SLC17A6: variants seen among roughly 807,000 people sequenced by gnomAD.
The protein encoded by SLC17A6 is solute carrier family 17 member 6, also known as vesicular glutamate transporter 2.
Under a neutral mutation model 67.1 loss-of-function variants are expected in SLC17A6, and 35 were observed. The ratio of observed to expected loss-of-function variants is 0.52; its 90% CI spans 0.40 to 0.69. The LOEUF (loss-of-function observed/expected upper bound fraction) is 0.69. SLC17A6 is among the 30% of genes least tolerant of loss of function. The pLI is 0.00. For missense variants in SLC17A6, 588 were observed against 723.9 expected (o/e 0.81, Z 2.15); for synonymous variants, 285 against 252.3 (o/e 1.13, Z -1.23).
chr11:22,374,610 G>A (rs754507033), intron 8 of SLC17A6, 145 bp from the exon 9 acceptor site: 4 of 635,618 alleles, frequency 6.3e-6, no homozygotes, highest in African/African-American at 1.9e-5. Context: ...ACTTTTTCTA[G>A]GAATGAGTAA....
At chr11:22,368,379 T>C (rs1450089417) in intron 7 of SLC17A6, among the ~76,000 whole-genome samples, 1 of 152,080 alleles carries the variant, frequency 6.6e-6, no homozygotes, top group Non-Finnish European at 1.5e-5. Flanking sequence ...TATTTAAATA[T>C]AGCATATGTA....
At chr11:22,363,920 C>A (rs1303222648) in intron 6 of SLC17A6, among the ~76,000 whole-genome samples, 1 of 151,924 alleles carries the variant, frequency 6.6e-6, no homozygotes, top group Non-Finnish European at 1.5e-5. Flanking sequence ...TATGGCTATC[C>A]AATTAAATAC....
intron 3 of SLC17A6, among the ~76,000 whole-genome samples, chr11:22,356,625 A>G (rs1310013172): frequency 1.3e-5 from 2 of 152,198 alleles, no homozygotes; most frequent in East Asian, 1.9e-4. Flanking sequence ...ACTTGAGGTC[A>G]GGAGTTCAAG....
intron 6 of SLC17A6, among the ~76,000 whole-genome samples, chr11:22,364,897 G>A (rs1244817904): frequency 6.6e-6 from 1 of 152,100 alleles, no homozygotes; most frequent in Non-Finnish European, 1.5e-5. Context: ...TATAACTTTT[G>A]TCTGCCCAAA....
At chr11:22,375,661 G>A (rs1364137473) in intron 9 of SLC17A6, among the ~76,000 whole-genome samples, 2 of 151,832 alleles carry the variant, frequency 1.3e-5, no homozygotes, top group Non-Finnish European at 2.9e-5. Flanking sequence ...TGTATTTTTA[G>A]TAGAGTCTGG....
intron 3 of SLC17A6, among the ~76,000 whole-genome samples, chr11:22,347,232 G>A (rs1855887374): frequency 7.0e-6 from 1 of 142,792 alleles, no homozygotes; most frequent in African/African-American, 2.6e-5. Flanking sequence ...TCACAACAAG[G>A]TGTTTGGGGA....
At chr11:22,354,117 C>A (rs189209592) in intron 3 of SLC17A6, among the ~76,000 whole-genome samples, 2 of 151,070 alleles carry the variant, frequency 1.3e-5, no homozygotes, top group African/African-American at 4.9e-5. Flanking sequence ...GAGTTTTGCT[C>A]TTGTTGCCCA....
chr11:22,376,307 G>A (rs553939504), intron 10 of SLC17A6, among the ~76,000 whole-genome samples: 1 of 151,382 alleles, frequency 6.6e-6, no homozygotes, highest in Non-Finnish European at 1.5e-5. Flanking sequence ...GCCTTTTTTT[G>A]TTGTTGTTAA....
intron 1 of SLC17A6, among the ~76,000 whole-genome samples, chr11:22,339,065 A>ATATATATATGT (rs1855772091): frequency 1.9e-4 from 22 of 118,662 alleles, no homozygotes; most frequent in Middle Eastern, 4.8e-3. Context: ...AATGGTTTAT[A>ATATATATATGT]TATATATATA....
In SLC17A6 at chr11:22,360,904, C is replaced by T; in HGVS notation, c.581C>T (p.Thr194Ile). The T allele has an allele frequency of 6.2e-7, 1 of 1,613,816 alleles. No individual in the cohort carries two copies. The highest frequency in any genetic ancestry group is 8.5e-7 in the Non-Finnish European group (1 of 1,179,778). The change falls in exon 5 of 12, where the codon ACC (threonine) becomes ATC (isoleucine). Residue 194 changes from threonine (T) to isoleucine (I), a missense_variant. By Grantham distance (89) the Thr-to-Ile change is moderately conservative (BLOSUM62 -1). Coordinates refer to ENST00000263160, the MANE Select transcript of SLC17A6 (RefSeq NM_020346.3). Reference sequence around the variant, plus strand: ...TATCTTCCCCCATCACAGGGTGTGACCTACCCAGCATGTCATGGGATATGG... The same window carrying T: ...TATCTTCCCCCATCACAGGGTGTGATCTACCCAGCATGTCATGGGATATGG... ...RILQGLVEGV[T>I]YPACHGIWSK... is the part of the protein sequence containing the mutation.
intron 3 of SLC17A6, among the ~76,000 whole-genome samples, chr11:22,344,698 T>C (rs917998755): frequency 6.6e-6 from 1 of 152,198 alleles, no homozygotes; most frequent in African/African-American, 2.4e-5. Flanking sequence ...ATTTTATTTA[T>C]CCATTCATCT....
intron 3 of SLC17A6, among the ~76,000 whole-genome samples, chr11:22,352,769 A>C (rs900510182): frequency 6.6e-6 from 1 of 152,168 alleles, no homozygotes; most frequent in Non-Finnish European, 1.5e-5. Flanking sequence ...GGGTGGGGGC[A>C]TGAGTGAGTA....
chr11:22,350,266 A>G (rs959191711), intron 3 of SLC17A6, among the ~76,000 whole-genome samples: 3 of 152,102 alleles, frequency 2.0e-5, no homozygotes, highest in African/African-American at 4.8e-5. Flanking sequence ...GGCAATCTCT[A>G]TAGTGGTATA....
In SLC17A6 at chr11:22,379,357, A is replaced by C. The variant is rs1307676336; in HGVS notation, c.*1617A>C. The C allele has an allele frequency of 1.3e-5, 2 of 152,494 alleles. No individual in the cohort carries two copies. The highest frequency in any genetic ancestry group is 2.9e-5 in the Non-Finnish European group (2 of 67,950). 9.4% of individuals were successfully genotyped at this position (152,494 alleles called of 1,614,324 possible). On this transcript the variant is annotated 3_prime_UTR_variant, in exon 12 of 12. Transcript: ENST00000263160. ...AAAATGCAAATCATTCTTTACCTTA[A>C]GAAAAAAAAAATACCCTTTGCTTTG...
At chr11:22,372,826 T>C (rs557441290) in intron 8 of SLC17A6, among the ~76,000 whole-genome samples, 59 of 152,286 alleles carry the variant, frequency 3.9e-4, no homozygotes, top group African/African-American at 1.4e-3. Context: ...TAGGAAGGTT[T>C]TGATCATTTT....
intron 3 of SLC17A6, among the ~76,000 whole-genome samples, chr11:22,357,291 C>T (rs1019396692): frequency 2.0e-5 from 3 of 152,084 alleles, no homozygotes; most frequent in Non-Finnish European, 2.9e-5. Flanking sequence ...GCATGTGAAG[C>T]GTTAATATGG....
At chr11:22,362,637 G>A (rs1856066018) in intron 5 of SLC17A6, 102 bp from the exon 6 acceptor site, 4 of 916,920 alleles carry the variant, frequency 4.4e-6, no homozygotes, top group Non-Finnish European at 7.1e-6. Flanking sequence ...CCATGTACCT[G>A]AGTGTTCCAG....
At position 22,341,780 on chromosome 11, in the gene SLC17A6, G is replaced by C. The variant is rs1855818952; in HGVS notation, c.339G>C (p.Glu113Asp). The change falls in exon 2 of 12, where the codon GAG becomes GAC. Residue 113 changes from glutamate to aspartate, a missense_variant and splice_region_variant. By Grantham distance (45) the Glu-to-Asp change is conservative (BLOSUM62 2). This residue lies in a region of SLC17A6 where 48 missense variants were observed against 36.5 expected (regional missense o/e 1.32). Coordinates refer to ENST00000263160, the MANE Select transcript of SLC17A6 (RefSeq NM_020346.3). ...TIHRGGKVIK[E>D]KAKFNWDPET... is the part of the protein sequence containing the mutation. ...ACCGCGGGGGCAAGGTCATCAAGGA[G>C]GTGGGCAACGTCTGGCCGCCCTGGC... is the stretch of plus-strand genomic sequence containing the variant. 1 of 1,613,168 alleles carries C rather than the reference G, an allele frequency of 6.2e-7. No individual in the cohort carries two copies. Among genetic ancestry groups the C allele is most frequent in the Non-Finnish European group, 8.5e-7 (1 of 1,179,384 alleles).
chr11:22,367,451 T>A (rs1856125694), intron 7 of SLC17A6, among the ~76,000 whole-genome samples: 1 of 152,192 alleles, frequency 6.6e-6, no homozygotes, highest in African/African-American at 2.4e-5. Flanking sequence ...TTCCTCTTTG[T>A]GTTTCCTTCT....
Sources: gnomAD v4.1 joint callset for allele counts (sites outside exome capture counted in the v4.1 genomes callset) on GRCh38, gnomAD v4.1.1 for gene constraint, gnomAD v4.1.1 regional missense constraint, MANE v1.5 for transcripts, NCBI Gene and HGNC (gene_info 2026-07-23, HGNC 2026-07-21) for gene names.